The following SAMD8 variants were observed in gnomAD, a reference collection of about 807,000 sequenced individuals.
SAMD8 encodes the protein sterile alpha motif domain containing 8.
SAMD8 carries 20 observed loss-of-function variants against 42.0 expected under a neutral mutation model. That is an observed-to-expected ratio of 0.48 (90% CI 0.34 to 0.69). The LOEUF (loss-of-function observed/expected upper bound fraction) is 0.69, where lower values mean the gene tolerates loss of function less well. SAMD8 is among the 30% of genes least tolerant of loss of function. SAMD8 has a pLI of 0.01. For synonymous variants in SAMD8, 162 were observed against 173.0 expected (o/e 0.94, Z 0.50); for missense variants, 328 against 511.6 (o/e 0.64, Z 3.46).
chr10:75,137,711 T>A (rs1839923120), intron 1 of SAMD8, among the ~76,000 whole-genome samples: 1 of 152,190 alleles, frequency 6.6e-6, no homozygotes, highest in Admixed American at 6.6e-5. Context: ...TACCAGGGAC[T>A]GAGCATGAGG....
Position 75,150,924 on chromosome 10 carries a change from G to A in SAMD8, c.396G>A (p.Gln132=). The A allele has an allele frequency of 6.2e-7, 1 of 1,612,892 alleles. No individual in the cohort carries two copies. The highest frequency in any genetic ancestry group is 1.1e-5 in the South Asian group (1 of 90,870). ...CTGACTTGAATTCTGATCAGTACCA[G>A]TACATGAATGGTAAAAACAAACATT... ...PITDLNSDQY[Q]YMNGKNKHSV... The change falls in exon 2 of 6, where the codon CAG becomes CAA. Residue 132 remains glutamine (Q), a synonymous_variant. Transcript: ENST00000542569.
chr10:75,151,549 C>T lies in SAMD8; in HGVS notation c.578+443C>T, dbSNP rs557302294. Reference sequence around the variant, plus strand: ...TTAAGTTTTTTGTAGAAATAGAGTCCCACCGTGTTGCCCAGGCTGGGTGAA... The same window carrying T: ...TTAAGTTTTTTGTAGAAATAGAGTCTCACCGTGTTGCCCAGGCTGGGTGAA... On this transcript the variant is annotated intron_variant, in intron 2 of 5. Transcript: ENST00000542569. Among the ~76,000 whole-genome samples the T allele has an allele frequency of 7.9e-5, 12 of 152,074 alleles. No homozygotes were observed. The South Asian group carries it at 2.3e-3, about 29-fold the overall frequency.
chr10:75,138,376 G>C (rs899879915), intron 1 of SAMD8, among the ~76,000 whole-genome samples: 2 of 152,118 alleles, frequency 1.3e-5, no homozygotes, highest in Non-Finnish European at 2.9e-5. Context: ...AGGTAGGGTG[G>C]GGACAAAGTC....
intron 1 of SAMD8, among the ~76,000 whole-genome samples, chr10:75,130,984 A>G (rs1017237869): frequency 1.3e-5 from 2 of 152,218 alleles, no homozygotes; most frequent in African/African-American, 4.8e-5. Context: ...TTTATTATCT[A>G]TTACTTTGAA....
At chr10:75,170,421 G>A (rs566009095) in intron 4 of SAMD8, among the ~76,000 whole-genome samples, 10 of 152,218 alleles carry the variant, frequency 6.6e-5, no homozygotes, top group African/African-American at 2.4e-4. Context: ...CTGAGCTGAA[G>A]GGTGACAAAA....
intron 3 of SAMD8, among the ~76,000 whole-genome samples, chr10:75,167,436 G>A (rs1382370338): frequency 6.6e-6 from 1 of 152,004 alleles, no homozygotes; most frequent in Non-Finnish European, 1.5e-5. Context: ...AGATGTTACT[G>A]TGTTGCCCAG....
intron 1 of SAMD8, among the ~76,000 whole-genome samples, chr10:75,135,282 G>A (rs1056528219): frequency 6.7e-6 from 1 of 149,748 alleles, no homozygotes; most frequent in Non-Finnish European, 1.5e-5. Flanking sequence ...GAGAAACTCC[G>A]TCTCTACTAA....
upstream of SAMD8, among the ~76,000 whole-genome samples, chr10:75,110,431 G>C (rs1431084667): frequency 2.0e-5 from 3 of 152,220 alleles, no homozygotes; most frequent in African/African-American, 4.8e-5. Context: ...AGCTGGGAAG[G>C]GTATGAGCTG....
At chr10:75,135,936 C>A (rs556937449) in intron 1 of SAMD8, among the ~76,000 whole-genome samples, 1 of 151,892 alleles carries the variant, frequency 6.6e-6, no homozygotes, top group African/African-American at 2.4e-5. Context: ...TTATTGAGAA[C>A]CTACCATGTG....
chr10:75,103,899 G>A, intron 1 of SAMD8: 1 of 1,309,248 alleles, frequency 7.6e-7, no homozygotes, highest in Non-Finnish European at 1.0e-6. Context: ...CCCACCTGTG[G>A]AGACTGAAGA....
chr10:75,119,253 G>C (rs1245152762), intron 1 of SAMD8, among the ~76,000 whole-genome samples: 1 of 151,960 alleles, frequency 6.6e-6, no homozygotes, highest in African/African-American at 2.4e-5. Context: ...CGCCTCCTGG[G>C]TTCAAGCAAT....
chr10:75,142,456 G>C (rs566076415), intron 1 of SAMD8, among the ~76,000 whole-genome samples: 3 of 151,464 alleles, frequency 2.0e-5, no homozygotes, highest in Admixed American at 2.0e-4. Flanking sequence ...TCTTTTTTTT[G>C]AGACGAAGTC....
intron 4 of SAMD8, among the ~76,000 whole-genome samples, chr10:75,170,492 G>A (rs1564696237): frequency 6.6e-6 from 1 of 152,094 alleles, no homozygotes; most frequent in African/African-American, 2.4e-5. Flanking sequence ...GGGTTGATAT[G>A]ACACAGGATT....
chr10:75,113,982 G>A (rs950354544), intron 1 of SAMD8, among the ~76,000 whole-genome samples: 1 of 152,184 alleles, frequency 6.6e-6, no homozygotes, highest in African/African-American at 2.4e-5. Flanking sequence ...ATATTAGCAT[G>A]TCTAATAGTT....
At chr10:75,164,386 CT>C (rs201084641) in intron 2 of SAMD8, 18,073 of 267,894 alleles carry the variant, frequency 0.067, no homozygotes, top group Non-Finnish European at 0.09. Flanking sequence ...GTTGCCACTT[CT>C]TTTTTTTTTT....
chr10:75,117,414 C>T (rs1848909680), intron 1 of SAMD8, among the ~76,000 whole-genome samples: 1 of 149,606 alleles, frequency 6.7e-6, no homozygotes, highest in Non-Finnish European at 1.5e-5. Context: ...GAGTGAGGCC[C>T]TATCTTAAAA....
intron 2 of SAMD8, among the ~76,000 whole-genome samples, chr10:75,158,939 TTTTG>T (rs1333231872): frequency 6.6e-6 from 1 of 152,218 alleles, no homozygotes; most frequent in African/African-American, 2.4e-5. Context: ...GATGTACCAA[TTTTG>T]TTTATCCATT....
intron 1 of SAMD8, among the ~76,000 whole-genome samples, chr10:75,133,770 AG>A (rs1361604986): frequency 6.6e-6 from 1 of 152,242 alleles, no homozygotes; most frequent in Non-Finnish European, 1.5e-5. Flanking sequence ...TTAATCTTGT[AG>A]AAGTAGAAAG....
chr10:75,145,717 C>A (rs1004505142), intron 1 of SAMD8, among the ~76,000 whole-genome samples: 4 of 152,126 alleles, frequency 2.6e-5, no homozygotes, highest in African/African-American at 9.7e-5. Flanking sequence ...CATTCCCCCC[C>A]AAAGTTGTAA....
Sources: allele counts gnomAD v4.1 joint callset (sites outside exome capture counted in the v4.1 genomes callset), GRCh38; gene constraint gnomAD v4.1.1; transcripts MANE v1.5; gene names NCBI Gene and HGNC (gene_info 2026-07-23, HGNC 2026-07-21).